Variants in ACVR1B observed in about 807,000 individuals in gnomAD.
The protein encoded by ACVR1B is activin receptor type-1B.
ACVR1B carries 15 observed loss-of-function variants against 55.6 expected under a neutral mutation model. The observed-to-expected ratio is 0.27, with a 90% CI of 0.18 to 0.42. The LOEUF is 0.42. ACVR1B is among the 10% of genes least tolerant of loss of function. The pLI is 1.00. For synonymous variants in ACVR1B, 247 were observed against 254.6 expected, an observed-to-expected ratio of 0.97 and a Z score of 0.28; for missense variants, 359 against 670.1, an observed-to-expected ratio of 0.54 and a Z score of 5.13.
chr12:51,972,786 C>G (rs1310239140), intron 1 of ACVR1B, among the ~76,000 whole-genome samples: 1 of 152,184 alleles, frequency 6.6e-6, no homozygotes, highest in African/African-American at 2.4e-5. Context: ...TTTCAGACTT[C>G]TCACTCTGTA....
rs547673421 is a variant in ACVR1B at position 51,952,300 on chromosome 12, C to T, written c.91+466C>T. Among the ~76,000 whole-genome samples the T allele has an allele frequency of 3.3e-5, 5 of 152,220 alleles. No homozygotes were observed. In the South Asian group the frequency reaches 1.0e-3, roughly 32 times the overall value. On this transcript the variant is annotated intron_variant, in intron 1 of 8. Transcript: ENST00000257963. ...TGGGGTCTTAGCCTCTCCGAGGGAA[C>T]CTGATGTTGAGAGTCCGCGCACCTC... is the stretch of plus-strand genomic sequence containing the variant.
Position 51,990,312 on chromosome 12 carries a change from C to CTTTTTTT in ACVR1B, c.1262-1535_1262-1529dup, listed in dbSNP as rs71092738. On this transcript the variant is annotated intron_variant, in intron 7 of 8. Coordinates refer to ENST00000257963, the MANE Select transcript of ACVR1B (RefSeq NM_004302.5). The stretch of plus-strand genomic sequence containing the variant: ...CACACACACACACACAAATTTAGTG[C>CTTTTTTT]TTTTTTTTTTTTTTTTTTTTTTGAG... Among the ~76,000 whole-genome samples, 22 of 89,578 alleles carry CTTTTTTT rather than the reference C, an allele frequency of 2.5e-4. 1 individual carries two copies. Among genetic ancestry groups the CTTTTTTT allele is most frequent in the African/African-American group, 5.0e-4 (11 of 22,204 alleles). 58.8% of individuals were successfully genotyped at this position (89,578 alleles called of 152,430 possible). A position where few individuals can be genotyped will look rare whatever the true frequency, so the allele number is the denominator to read the frequency against.
chr12:51,986,604 G>A (rs1215060417), intron 6 of ACVR1B, among the ~76,000 whole-genome samples: 3 of 152,232 alleles, frequency 2.0e-5, no homozygotes, highest in African/African-American at 4.8e-5. Flanking sequence ...ACACATCAGA[G>A]TAGCCTGGTA....
chr12:51,986,779 C>T, intron 6 of ACVR1B, 39 bp from the exon 7 acceptor site: 1 of 1,582,678 alleles, frequency 6.3e-7, no homozygotes, highest in Non-Finnish European at 8.6e-7. Context: ...GAGCAGTCAT[C>T]ATTTTCTGTG....
intron 6 of ACVR1B, among the ~76,000 whole-genome samples, chr12:51,986,494 A>C (rs990989966): frequency 2.0e-5 from 3 of 152,216 alleles, no homozygotes; most frequent in African/African-American, 7.2e-5. Flanking sequence ...TCCTGCCCTC[A>C]GGTGATCCGC....
At chr12:51,988,797 A>G (rs1942130289) in intron 7 of ACVR1B, among the ~76,000 whole-genome samples, 1 of 152,188 alleles carries the variant, frequency 6.6e-6, no homozygotes, top group African/African-American at 2.4e-5. Flanking sequence ...TACCCCTTAG[A>G]TAATTACCAA....
At chr12:51,987,242 C>A (rs2252518) in intron 7 of ACVR1B, 185,887 of 635,366 alleles carry the variant, frequency 0.29, 29,889 homozygotes, top group Admixed American at 0.56. Flanking sequence ...CCCCGGTGCG[C>A]ATAGCACGGG....
chr12:51,984,029 T>TA lies in ACVR1B; in HGVS notation c.842_843insA (p.Ser282PhefsTer2). ...GGCACCTGGACACAGCTGTGGCTTG[T>TA]TTCTGACTATCATGAGCACGGGTCC... is the stretch of plus-strand genomic sequence containing the variant. On this transcript the variant is annotated frameshift_variant, in exon 5 of 9. Coordinates refer to ENST00000257963, the MANE Select transcript of ACVR1B (RefSeq NM_004302.5). LOFTEE classifies it high-confidence loss of function. The TA allele has an allele frequency of 6.2e-7, 1 of 1,614,194 alleles. No individual in the cohort carries two copies. Among genetic ancestry groups the TA allele is most frequent in the Non-Finnish European group, 8.5e-7 (1 of 1,180,042 alleles).
At chr12:51,976,943 G>T (rs1407577736) in intron 3 of ACVR1B, among the ~76,000 whole-genome samples, 2 of 152,184 alleles carry the variant, frequency 1.3e-5, no homozygotes, top group African/African-American at 4.8e-5. Context: ...TTCCTGTGAG[G>T]TGGTGACAGC....
chr12:51,970,058 T>A (rs1382091757), intron 1 of ACVR1B, among the ~76,000 whole-genome samples: 2 of 152,164 alleles, frequency 1.3e-5, no homozygotes, highest in Non-Finnish European at 2.9e-5. Context: ...TCCCTGGAGA[T>A]GAACTGCAGG....
intron 1 of ACVR1B, among the ~76,000 whole-genome samples, chr12:51,961,253 C>T (rs1018339315): frequency 2.3e-4 from 35 of 152,190 alleles, no homozygotes; most frequent in African/African-American, 8.2e-4. Flanking sequence ...ATGGCTTCGG[C>T]CTGCACAGAG....
chr12:51,952,068 A>G (rs1207355501), intron 1 of ACVR1B, among the ~76,000 whole-genome samples: 1 of 151,968 alleles, frequency 6.6e-6, no homozygotes, highest in Non-Finnish European at 1.5e-5. Context: ...GCCCTGTTCC[A>G]GGCGGAACTG....
At chr12:51,980,093 C>T (rs1349659338) in intron 3 of ACVR1B, among the ~76,000 whole-genome samples, 1 of 152,132 alleles carries the variant, frequency 6.6e-6, no homozygotes, top group Non-Finnish European at 1.5e-5. Flanking sequence ...TATTACATAA[C>T]CTCCTCTTTG....
intron 1 of ACVR1B, among the ~76,000 whole-genome samples, chr12:51,954,556 G>T (rs971389274): frequency 5.3e-5 from 8 of 152,300 alleles, no homozygotes; most frequent in Admixed American, 3.3e-4. Context: ...AGAGACCTCT[G>T]ATTAGTTTTG....
chr12:51,952,483 C>T (rs934661281), intron 1 of ACVR1B, among the ~76,000 whole-genome samples: 2 of 152,216 alleles, frequency 1.3e-5, no homozygotes, highest in Admixed American at 6.5e-5. Context: ...CCCCTCCGCC[C>T]TCCGGCACTC....
At chr12:51,961,642 C>G (rs1454557409) in intron 1 of ACVR1B, among the ~76,000 whole-genome samples, 1 of 152,168 alleles carries the variant, frequency 6.6e-6, no homozygotes, top group Non-Finnish European at 1.5e-5. Context: ...TCACTCAAAA[C>G]TGTGACATAC....
intron 4 of ACVR1B, among the ~76,000 whole-genome samples, chr12:51,981,815 C>T (rs939689545): frequency 2.7e-5 from 4 of 150,896 alleles, no homozygotes; most frequent in Admixed American, 6.6e-5. Context: ...CGCCACTGCA[C>T]TCCAGCCTGG....
chr12:51,953,594 T>TA (rs11404836), intron 1 of ACVR1B: 140,264 of 740,642 alleles, frequency 0.19, 6,264 homozygotes, highest in Admixed American at 0.48. Flanking sequence ...TACTGGGTAG[T>TA]AAAAAAAAAA....
At chr12:51,992,550 T>G (rs1942213830) in intron 8 of ACVR1B, among the ~76,000 whole-genome samples, 1 of 151,700 alleles carries the variant, frequency 6.6e-6, no homozygotes, top group Admixed American at 6.6e-5. Flanking sequence ...ATGAGGGAGG[T>G]GGTCAACAAG....
Sources: gnomAD v4.1 joint callset for allele counts (sites outside exome capture counted in the v4.1 genomes callset) on GRCh38, gnomAD v4.1.1 for gene constraint, MANE v1.5 for transcripts, NCBI Gene and HGNC (gene_info 2026-07-23, HGNC 2026-07-21) for gene names.